Variants in LRPPRC observed in about 807,000 individuals in gnomAD.
LRPPRC encodes leucine-rich PPR motif-containing protein, mitochondrial.
A neutral mutation model predicts 180.3 loss-of-function variants in LRPPRC; 120 were observed. That is an observed-to-expected ratio of 0.67 (90% CI 0.57 to 0.77). LRPPRC has a LOEUF of 0.77. LRPPRC is among the 30% of genes least tolerant of loss of function. LRPPRC has a pLI of 0.00. For missense variants in LRPPRC, 2,012 were observed against 1,657.2 expected, an observed-to-expected ratio of 1.21 and a Z score of -3.72; for synonymous variants, 723 against 600.0, an observed-to-expected ratio of 1.21 and a Z score of -3.00.
At chr2:43,974,824 T>A in intron 7 of LRPPRC, 66 bp from the exon 8 acceptor site, 1 of 1,498,562 alleles carries the variant, frequency 6.7e-7, no homozygotes, top group Non-Finnish European at 9.3e-7. Context: ...TAAAGCTAAA[T>A]AAAATATCCA....
rs1170640899 is a variant in LRPPRC at position 43,974,185 on chromosome 2, T to G, written c.1120A>C (p.Ser374Arg). 6.2e-7 allele frequency: 1 copy of G among 1,613,732 alleles called. No individual in the cohort carries two copies. The highest frequency in any genetic ancestry group is 2.2e-5 in the East Asian group (1 of 44,872). The change falls in exon 9 of 38, where the codon AGT becomes CGT. Residue 374 changes from serine to arginine, a missense_variant. Transcript: ENST00000260665. ...SKEDGPSVFGSFFLQHCVTMN... is the reference protein window; with the variant it reads ...SKEDGPSVFGRFFLQHCVTMN... The stretch of plus-strand genomic sequence containing the variant: ...GTCACACAGTGTTGTAAAAAGAAAC[T>G]GCCAAAGACACTTGGGCCATCTTCC...
At chr2:43,911,589 C>T (rs915658455) in intron 30 of LRPPRC, among the ~76,000 whole-genome samples, 3 of 138,940 alleles carry the variant, frequency 2.2e-5, no homozygotes, top group Non-Finnish European at 4.5e-5. Context: ...TGCAGTTGCG[C>T]AATCTCAGCT....
chr2:43,975,572 G>C (rs1674017603), intron 6 of LRPPRC, among the ~76,000 whole-genome samples: 1 of 151,622 alleles, frequency 6.6e-6, no homozygotes, highest in South Asian at 2.1e-4. Flanking sequence ...ATCAGATCAA[G>C]CCCAGTTTCT....
chr2:43,965,647 G>A (rs1412605110), intron 11 of LRPPRC, among the ~76,000 whole-genome samples: 2 of 151,956 alleles, frequency 1.3e-5, no homozygotes, highest in East Asian at 3.9e-4. Context: ...ATATAATAAG[G>A]AACTCACAAA....
chr2:43,910,977 T>C (rs191781363), intron 30 of LRPPRC, among the ~76,000 whole-genome samples: 3 of 152,182 alleles, frequency 2.0e-5, no homozygotes, highest in Admixed American at 2.0e-4. Flanking sequence ...GCTTCTCTTT[T>C]TTCTGGCTCT....
intron 29 of LRPPRC, among the ~76,000 whole-genome samples, chr2:43,917,042 CTT>C (rs1206227556): frequency 2.5e-5 from 3 of 119,006 alleles, no homozygotes; most frequent in Admixed American, 9.1e-5. Context: ...ACTAGATTTG[CTT>C]TTTTTTTTTT....
chr2:43,950,456 G>C, intron 15 of LRPPRC, 117 bp downstream of exon 15: 3 of 904,636 alleles, frequency 3.3e-6, no homozygotes, highest in South Asian at 2.7e-5. Flanking sequence ...AACTCTGCCA[G>C]CAAAATTTTA....
At chr2:43,969,586 G>T (rs922610327) in intron 11 of LRPPRC, among the ~76,000 whole-genome samples, 1 of 152,090 alleles carries the variant, frequency 6.6e-6, no homozygotes, top group Non-Finnish European at 1.5e-5. Context: ...TAGGAATGAT[G>T]ATAATAAAGC....
chr2:43,938,930 G>GT (rs1224353560), intron 23 of LRPPRC, among the ~76,000 whole-genome samples: 2 of 152,040 alleles, frequency 1.3e-5, no homozygotes, highest in African/African-American at 4.8e-5. Context: ...CTTAAGTCTC[G>GT]TAATTTATAC....
rs189161226 is a variant in LRPPRC at position 43,979,962 on chromosome 2, G to C, written c.347-14C>G. ...CACCTAGGCCACCTGTGGAAAAAAGGTTAATGGATAACATTTAACATAGCA... is the reference window on the plus strand; with the variant it reads ...CACCTAGGCCACCTGTGGAAAAAAGCTTAATGGATAACATTTAACATAGCA... On this transcript the variant is annotated splice_polypyrimidine_tract_variant and intron_variant, in intron 2 of 37. Coordinates refer to ENST00000260665, the MANE Select transcript of LRPPRC (RefSeq NM_133259.4). The C allele has an allele frequency of 3.2e-5, 52 of 1,612,590 alleles. No homozygotes were observed. The African/African-American group carries it at 5.7e-4, about 18-fold the overall frequency.
chr2:43,987,562 A>G (rs1265174382), intron 1 of LRPPRC, among the ~76,000 whole-genome samples: 1 of 151,508 alleles, frequency 6.6e-6, no homozygotes, highest in Non-Finnish European at 1.5e-5. Flanking sequence ...TTCCACTAAT[A>G]CCCTGTTCCC....
chr2:43,995,429 C>T (rs541783979), intron 1 of LRPPRC, among the ~76,000 whole-genome samples: 1 of 152,202 alleles, frequency 6.6e-6, no homozygotes, highest in African/African-American at 2.4e-5. Context: ...GGTGACCGCA[C>T]GTGGGACACC....
chr2:43,975,240 G>T, intron 6 of LRPPRC, 23 bp from the exon 7 acceptor site: 9 of 1,606,218 alleles, frequency 5.6e-6, no homozygotes, highest in Non-Finnish European at 7.7e-6. Context: ...TCAAAAAACA[G>T]ATTATTATGC....
At chr2:43,952,607 G>T (rs1672948730) in intron 14 of LRPPRC, among the ~76,000 whole-genome samples, 1 of 152,110 alleles carries the variant, frequency 6.6e-6, no homozygotes, top group South Asian at 2.1e-4. Flanking sequence ...CCTCTTTCAG[G>T]AACTGTCCTT....
intron 26 of LRPPRC, 62 bp downstream of exon 26, chr2:43,925,828 TACA>T: frequency 5.9e-6 from 6 of 1,024,846 alleles, no homozygotes; most frequent in East Asian, 2.4e-5. Context: ...CTTCATGTGA[TACA>T]GAGGACCCTT....
In LRPPRC at chr2:43,931,309, G is replaced by C. The variant is rs1289643554; in HGVS notation, c.2736+2881C>G. ...AAGAGTTCTTAAGACAGCCTACAGAGGATGTATCTGCAGAAGAGACAGAAG... is the reference window on the plus strand; with the variant it reads ...AAGAGTTCTTAAGACAGCCTACAGACGATGTATCTGCAGAAGAGACAGAAG... On this transcript the variant is annotated intron_variant, in intron 25 of 37. Transcript: ENST00000260665. 2.6e-5 allele frequency among the ~76,000 whole-genome samples: 4 copies of C among 152,128 alleles called. No individual in the cohort carries two copies. The East Asian group carries it at 7.7e-4, about 29-fold the overall frequency.
intron 3 of LRPPRC, among the ~76,000 whole-genome samples, chr2:43,978,768 G>C (rs954718196): frequency 6.6e-6 from 1 of 151,740 alleles, no homozygotes; most frequent in African/African-American, 2.4e-5. Context: ...TTTCACATAG[G>C]TCCTACTCAC....
rs369700389 is a variant in LRPPRC at position 43,894,100 on chromosome 2, C to G, written c.3985+445G>C. 2.0e-4 allele frequency among the ~76,000 whole-genome samples: 30 copies of G among 152,144 alleles called. No individual in the cohort carries two copies. In the East Asian group the frequency reaches 4.5e-3, roughly 23 times the overall value. ...CTTGGGCTACTTTTTAATCAAGGGT[C>G]TGTCATTTCAAAGGAGTAGCAGGCA... On this transcript the variant is annotated intron_variant, in intron 36 of 37. Coordinates refer to ENST00000260665, the MANE Select transcript of LRPPRC (RefSeq NM_133259.4).
At chr2:43,986,173 C>G (rs951379694) in intron 1 of LRPPRC, among the ~76,000 whole-genome samples, 4 of 152,126 alleles carry the variant, frequency 2.6e-5, no homozygotes, top group Non-Finnish European at 5.9e-5. Context: ...CTCTGTCACC[C>G]AGACTGGAGT....
Sources: gnomAD v4.1 joint callset for allele counts (sites outside exome capture counted in the v4.1 genomes callset) on GRCh38, gnomAD v4.1.1 for gene constraint, MANE v1.5 for transcripts, NCBI Gene and HGNC (gene_info 2026-07-23, HGNC 2026-07-21) for gene names.